The following TAFA2 variants were observed in gnomAD, a reference collection of about 807,000 sequenced individuals.
TAFA2 encodes chemokine-like protein TAFA-2.
Under a neutral mutation model 18.8 loss-of-function variants are expected in TAFA2, and 7 were observed. The ratio of observed to expected loss-of-function variants is 0.37; its 90% CI spans 0.21 to 0.70. TAFA2 has a LOEUF of 0.70. TAFA2 is among the 30% of genes least tolerant of loss of function. TAFA2 has a pLI of 0.53. For missense variants in TAFA2, 122 were observed against 158.1 expected (o/e 0.77, Z 1.23); for synonymous variants, 60 against 54.2 (o/e 1.11, Z -0.47).
chr12:62,257,925 T>C (rs532575722), intron 1 of TAFA2, among the ~76,000 whole-genome samples: 18 of 152,264 alleles, frequency 1.2e-4, no homozygotes, highest in Admixed American at 7.2e-4. Context: ...ACCAGTAAAA[T>C]AAGCAGAATT....
chr12:62,124,371 A>T (rs184118389), intron 1 of TAFA2, among the ~76,000 whole-genome samples: 113 of 152,278 alleles, frequency 7.4e-4, no homozygotes, highest in Admixed American at 1.4e-3. Flanking sequence ...CATCACTGAA[A>T]TATATTAGCC....
intron 1 of TAFA2, among the ~76,000 whole-genome samples, chr12:62,216,023 G>A (rs1382826849): frequency 6.6e-6 from 1 of 152,246 alleles, no homozygotes; most frequent in South Asian, 2.1e-4. Flanking sequence ...TCCCCAAGGG[G>A]ACAGTACCAA....
chr12:62,226,106 C>G (rs2062785215), intron 1 of TAFA2, among the ~76,000 whole-genome samples: 1 of 151,828 alleles, frequency 6.6e-6, no homozygotes, highest in African/African-American at 2.4e-5. Flanking sequence ...GTGGTGTGCT[C>G]TCTTTACTTT....
chr12:61,726,363 T>A (rs1420343628), intron 4 of TAFA2, among the ~76,000 whole-genome samples: 2 of 152,124 alleles, frequency 1.3e-5, no homozygotes, highest in African/African-American at 4.8e-5. Flanking sequence ...TACCCATCCA[T>A]GAGCATGAGA....
intron 1 of TAFA2, chr12:62,235,415 G>T: frequency 1.5e-6 from 1 of 647,988 alleles, no homozygotes; most frequent in East Asian, 2.6e-5. Context: ...GTTCAAGATG[G>T]GTGCTGAGTT....
intron 4 of TAFA2, among the ~76,000 whole-genome samples, chr12:61,713,865 A>AT (rs1869526653): frequency 6.6e-6 from 1 of 152,218 alleles, no homozygotes; most frequent in South Asian, 2.1e-4. Context: ...ACACCCTGAT[A>AT]TGCAAGATTT....
chr12:62,197,575 C>T (rs2136965791), upstream of TAFA2, among the ~76,000 whole-genome samples: 1 of 152,290 alleles, frequency 6.6e-6, no homozygotes, highest in South Asian at 2.1e-4. Flanking sequence ...TTCCATTCCC[C>T]CAAAAGTTAC....
At chr12:61,955,617 AAAAAAAAAAAAAAAAATATATATATAT>A (rs1428233862) in intron 1 of TAFA2, among the ~76,000 whole-genome samples, 12 of 29,302 alleles carry the variant, frequency 4.1e-4, no homozygotes, top group African/African-American at 9.4e-4. Flanking sequence ...AAAAAAAAAA[AAAAAAAAAAAAAAAAATATATATATAT>A]ATATATATAT....
chr12:61,919,502 C>A (rs892497837), intron 1 of TAFA2, among the ~76,000 whole-genome samples: 3 of 152,132 alleles, frequency 2.0e-5, no homozygotes, highest in Non-Finnish European at 4.4e-5. Context: ...AAAATACACA[C>A]ACCCAAGTTC....
chr12:61,987,846 CT>C (rs1454860299), intron 1 of TAFA2, among the ~76,000 whole-genome samples: 27 of 152,208 alleles, frequency 1.8e-4, no homozygotes, highest in African/African-American at 6.5e-4. Flanking sequence ...GGAAAATCTA[CT>C]GTTCTTGTAA....
intron 4 of TAFA2, among the ~76,000 whole-genome samples, chr12:61,718,323 G>A (rs1038396560): frequency 9.2e-5 from 14 of 152,186 alleles, no homozygotes; most frequent in Non-Finnish European, 1.3e-4. Context: ...CAGATCAGCC[G>A]TTTCTCTCTG....
At chr12:62,258,424 T>C (rs2062951790) in intron 1 of TAFA2, 1 of 152,446 alleles carries the variant, frequency 6.6e-6, no homozygotes, top group Non-Finnish European at 1.5e-5. Context: ...GCATTTTCTC[T>C]TAAGGGAAAG....
chr12:61,768,695 G>A (rs555397935), intron 2 of TAFA2, among the ~76,000 whole-genome samples: 17 of 152,114 alleles, frequency 1.1e-4, no homozygotes, highest in Non-Finnish European at 2.1e-4. Flanking sequence ...CCCCAGGGAA[G>A]GCATTCCTGA....
chr12:62,230,430 G>T (rs544179514), intron 1 of TAFA2, among the ~76,000 whole-genome samples: 1 of 151,804 alleles, frequency 6.6e-6, no homozygotes, highest in East Asian at 1.9e-4. Context: ...TCTCTTTCAA[G>T]AAATTTTTGA....
chr12:61,729,889 G>T (rs1225951612), intron 4 of TAFA2, among the ~76,000 whole-genome samples: 1 of 151,964 alleles, frequency 6.6e-6, no homozygotes, highest in Non-Finnish European at 1.5e-5. Context: ...AAGGGCTGTT[G>T]TTCAGATTTT....
intron 2 of TAFA2, among the ~76,000 whole-genome samples, chr12:61,761,031 G>C (rs928937083): frequency 6.6e-6 from 1 of 151,892 alleles, no homozygotes; most frequent in African/African-American, 2.4e-5. Context: ...TCTAATTTCT[G>C]CCTTCCAAGG....
At chr12:61,888,282 G>A (rs1190917363) in intron 1 of TAFA2, among the ~76,000 whole-genome samples, 1 of 152,178 alleles carries the variant, frequency 6.6e-6, no homozygotes, top group Admixed American at 6.5e-5. Context: ...TATAAGTGTA[G>A]CCTACACAAT....
At chr12:61,804,851 C>CA (rs1195503915) in intron 2 of TAFA2, among the ~76,000 whole-genome samples, 9 of 151,962 alleles carry the variant, frequency 5.9e-5, no homozygotes, top group Non-Finnish European at 1.5e-5. Context: ...CTAACATACA[C>CA]ACCTCATAAT....
chr12:62,174,833 G>A (rs553375537), intron 1 of TAFA2, among the ~76,000 whole-genome samples: 123 of 152,112 alleles, frequency 8.1e-4, no homozygotes, highest in East Asian at 9.7e-4. Context: ...ATACAATACC[G>A]TTTTCAAATA....
Sources: allele counts gnomAD v4.1 joint callset (sites outside exome capture counted in the v4.1 genomes callset), GRCh38; gene constraint gnomAD v4.1.1; transcripts MANE v1.5; gene names NCBI Gene and HGNC (gene_info 2026-07-23, HGNC 2026-07-21).